The following LAMA1 variants were observed in gnomAD, a reference collection of about 807,000 sequenced individuals.
The protein encoded by LAMA1 is laminin subunit alpha-1.
LAMA1 carries 219 observed loss-of-function variants against 348.7 expected under a neutral mutation model. The observed-to-expected ratio is 0.63, with a 90% CI of 0.56 to 0.70. The LOEUF (loss-of-function observed/expected upper bound fraction) is 0.70, where lower values mean the gene tolerates loss of function less well. Ranked by LOEUF, LAMA1 falls within the 30% of genes least tolerant of loss-of-function variation. The probability of loss-of-function intolerance (pLI) is 0.00; values close to 1 mark genes in which losing one functional copy is unlikely to be tolerated. For synonymous variants in LAMA1, 1,487 were observed against 1,491.0 expected, an observed-to-expected ratio of 1.00 and a Z score of 0.06; for missense variants, 3,744 against 3,888.0, an observed-to-expected ratio of 0.96 and a Z score of 0.99.
rs2058041934 is a variant in LAMA1 at position 7,046,362 on chromosome 18, A to T, written c.774T>A (p.Tyr258Ter). The change falls in exon 6 of 63, where the codon TAT becomes TAA. Residue 258 changes from tyrosine (Y) to a stop codon, truncating the protein, a stop_gained. Transcript: ENST00000389658. LOFTEE classifies it high-confidence loss of function. ...CAACAGAAATGTCCTTTATTGAATAATAATACTAAGGAAAAAGAAAGTTAT... is the reference window on the plus strand; with the variant it reads ...CAACAGAAATGTCCTTTATTGAATATTAATACTAAGGAAAAAGAAAGTTAT... Reference protein sequence around the residue: ...ELDPIVTRRYYYSIKDISVGG... With the variant: ...ELDPIVTRRY 1 of 1,587,956 alleles carries T rather than the reference A, an allele frequency of 6.3e-7. No homozygotes were observed. The highest frequency in any genetic ancestry group is 1.3e-5 in the African/African-American group (1 of 74,364).
At chr18:7,017,252 G>A (rs749354429) in intron 20 of LAMA1, 26 bp downstream of exon 20, 1 of 1,556,750 alleles carries the variant, frequency 6.4e-7, no homozygotes, top group Non-Finnish European at 8.9e-7. Context: ...CAAGGCTAAG[G>A]TGTCAATTAG....
chr18:6,999,936 C>T lies in LAMA1; in HGVS notation c.4444G>A (p.Gly1482Ser). The change falls in exon 31 of 63, where the codon GGC becomes AGC. Residue 1482 changes from glycine (G) to serine (S), a missense_variant. By Grantham distance (56) the Gly-to-Ser change is moderately conservative. This residue lies in a region of LAMA1 where 1,983 missense variants were observed against 1,934.3 expected (regional missense o/e 1.03). Coordinates refer to ENST00000389658, the MANE Select transcript of LAMA1 (RefSeq NM_005559.4). ...CTTTCACAGTGTTTTCCTTCATAGC[C>T]CAGGAGACAGGCGTCACAACGGAAA... ...HDFRCDACLL[G>S]YEGKHCERCS... 6.2e-7 allele frequency: 1 copy of T among 1,614,096 alleles called. No individual in the cohort carries two copies. The highest frequency in any genetic ancestry group is 8.5e-7 in the Non-Finnish European group (1 of 1,180,006).
intron 1 of LAMA1, among the ~76,000 whole-genome samples, chr18:7,089,265 C>A (rs1292099852): frequency 1.3e-5 from 2 of 152,076 alleles, no homozygotes. Context: ...TGTAGTCCCA[C>A]CTAATCGGGA....
Position 7,014,870 on chromosome 18 carries a change from A to G in LAMA1, c.3127-819T>C, listed in dbSNP as rs559441536. 1.3e-3 allele frequency among the ~76,000 whole-genome samples: 205 copies of G among 152,170 alleles called. 3 individuals are homozygous for G. Among genetic ancestry groups the G allele is most frequent in the Non-Finnish European group, 1.1e-3 (72 of 68,012 alleles). Reference sequence around the variant, plus strand: ...TTTTCTTTTCTTTTTTTTCTGAGACAGAGTCTTGCTCTGTTGCCCAGGCTG... The same window carrying G: ...TTTTCTTTTCTTTTTTTTCTGAGACGGAGTCTTGCTCTGTTGCCCAGGCTG... On this transcript the variant is annotated intron_variant, in intron 22 of 62. Coordinates refer to ENST00000389658, the MANE Select transcript of LAMA1 (RefSeq NM_005559.4).
chr18:7,021,817 A>ATAT (rs1333740591), intron 19 of LAMA1, among the ~76,000 whole-genome samples: 2 of 109,686 alleles, frequency 1.8e-5, no homozygotes, highest in African/African-American at 1.1e-4. Context: ...ATTATATAAT[A>ATAT]TATATTATAT....
intron 1 of LAMA1, among the ~76,000 whole-genome samples, chr18:7,082,683 A>G (rs1481322959): frequency 6.6e-6 from 1 of 152,254 alleles, no homozygotes; most frequent in Non-Finnish European, 1.5e-5. Flanking sequence ...CTTTTAAACT[A>G]TAGCGTTTTG....
chr18:7,054,216 G>A (rs899027816), intron 3 of LAMA1, among the ~76,000 whole-genome samples: 10 of 152,040 alleles, frequency 6.6e-5, no homozygotes, highest in Admixed American at 4.6e-4. Flanking sequence ...AGAATCTCTC[G>A]TTTTTATCCT....
chr18:7,065,978 G>A (rs943304901), intron 3 of LAMA1, among the ~76,000 whole-genome samples: 1 of 152,092 alleles, frequency 6.6e-6, no homozygotes, highest in African/African-American at 2.4e-5. Flanking sequence ...GCATCAACAG[G>A]CAGCTGTCCC....
intron 17 of LAMA1, 144 bp downstream of exon 17, chr18:7,025,833 CCT>C (rs1029964742): frequency 4.2e-6 from 5 of 1,188,664 alleles, no homozygotes; most frequent in East Asian, 2.6e-5. Context: ...ATAACCCACC[CCT>C]CTGTCTTTAA....
At chr18:7,002,165 T>A (rs2057810441) in intron 30 of LAMA1, 99 bp downstream of exon 30, 1 of 1,463,742 alleles carries the variant, frequency 6.8e-7, no homozygotes, top group South Asian at 1.2e-5. Context: ...ATGGAGAATA[T>A]TCATTAACAA....
chr18:6,974,826 T>C lies in LAMA1; in HGVS notation c.6623+77A>G, dbSNP rs143424220. 8 of 1,552,788 alleles carry C rather than the reference T, an allele frequency of 5.2e-6. No individual in the cohort carries two copies. The African/African-American group carries it at 5.4e-5, about 11-fold the overall frequency. On this transcript the variant is annotated intron_variant, in intron 46 of 62. Transcript: ENST00000389658. Reference sequence around the variant, plus strand: ...TCCAGAAGTTTCAAAGCCTATTATATGATGTTACAAGCATGTAATTACTTA... The same window carrying C: ...TCCAGAAGTTTCAAAGCCTATTATACGATGTTACAAGCATGTAATTACTTA...
In LAMA1 at chr18:6,966,170, G is replaced by A; in HGVS notation, c.7027C>T (p.Leu2343Phe). The change falls in exon 49 of 63, where the codon CTC becomes TTC. Residue 2343 changes from leucine to phenylalanine, a missense_variant. Physicochemically the swap from Leu to Phe is conservative, Grantham distance 22. Coordinates refer to ENST00000389658, the MANE Select transcript of LAMA1 (RefSeq NM_005559.4). The stretch of plus-strand genomic sequence containing the variant: ...ACTGTGCCGTATGAACCCAGGTAGA[G>A]AAGAAGTCCATTAGGTGAAAAGGTA... ...FNTFSPNGLL[L>F]YLGSYGTKDF... is the part of the protein sequence containing the mutation. 1 of 1,614,148 alleles carries A rather than the reference G, an allele frequency of 6.2e-7. No homozygotes were observed. Among genetic ancestry groups the A allele is most frequent in the East Asian group, 2.2e-5 (1 of 44,882 alleles).
chr18:7,052,816 C>T (rs1031707474), intron 3 of LAMA1, among the ~76,000 whole-genome samples: 3 of 151,894 alleles, frequency 2.0e-5, no homozygotes. Context: ...GTCAGGAGAT[C>T]GAGACCATCC....
At position 7,040,237 on chromosome 18, in the gene LAMA1, C is replaced by G; in HGVS notation, c.1262-1G>C. On this transcript the variant is annotated splice_acceptor_variant, in intron 9 of 62. Transcript: ENST00000389658. LOFTEE classifies it high-confidence loss of function. ...CATGGGCACTGACCTGGCTGCTTCC[C>G]TAGAAAGACAACAATGGCAATGACC... 6.2e-7 allele frequency: 1 copy of G among 1,614,032 alleles called. No individual in the cohort carries two copies. The highest frequency in any genetic ancestry group is 2.2e-5 in the East Asian group (1 of 44,874).
At chr18:7,106,858 T>C (rs953500996) in intron 1 of LAMA1, among the ~76,000 whole-genome samples, 15 of 151,918 alleles carry the variant, frequency 9.9e-5, no homozygotes, top group Non-Finnish European at 2.2e-4. Context: ...GAGTTCTCCA[T>C]GGAAGAAAGG....
At chr18:6,958,334 G>A (rs1241924369) in intron 55 of LAMA1, 143 bp downstream of exon 55, 1 of 805,872 alleles carries the variant, frequency 1.2e-6, no homozygotes, top group African/African-American at 1.7e-5. Flanking sequence ...AGACTTACAT[G>A]ATAGAACAAT....
chr18:7,049,325 C>T (rs1019112229), intron 4 of LAMA1, 68 bp from the exon 5 acceptor site: 32 of 1,416,974 alleles, frequency 2.3e-5, no homozygotes, highest in Middle Eastern at 1.9e-4. Flanking sequence ...TTTGAGATGG[C>T]GTCTCGCTCT....
intron 57 of LAMA1, among the ~76,000 whole-genome samples, chr18:6,953,512 G>C (rs2057559719): frequency 6.6e-6 from 1 of 152,130 alleles, no homozygotes; most frequent in Non-Finnish European, 1.5e-5. Context: ...GCAACCACTG[G>C]GGGTCCTGAA....
Position 7,036,045 on chromosome 18 carries a change from T to G in LAMA1, c.1781A>C (p.Asp594Ala). Residue 594 changes from aspartate (D) to alanine (A), a missense_variant, in exon 13 of 63, where the codon GAT becomes GCT. By Grantham distance (126) the Asp-to-Ala change is moderately radical. Transcript: ENST00000389658. ...GGFLKYTVSY[D>A]IPVETVDSNL... ...ACTGTCTACCGTCTCTACCGGAATATCGTAGGACACCGTGTATTTCAGGAA... is the reference window on the plus strand; with the variant it reads ...ACTGTCTACCGTCTCTACCGGAATAGCGTAGGACACCGTGTATTTCAGGAA... The G allele has an allele frequency of 6.2e-7, 1 of 1,614,184 alleles. No homozygotes were observed. Among genetic ancestry groups the G allele is most frequent in the South Asian group, 1.1e-5 (1 of 91,082 alleles).
Sources: gnomAD v4.1 joint callset for allele counts (sites outside exome capture counted in the v4.1 genomes callset) on GRCh38, gnomAD v4.1.1 for gene constraint, gnomAD v4.1.1 regional missense constraint, MANE v1.5 for transcripts, NCBI Gene and HGNC (gene_info 2026-07-23, HGNC 2026-07-21) for gene names.